The following XRN2 variants were observed in gnomAD, a reference collection of about 807,000 sequenced individuals.
XRN2 encodes DHM1-like protein.
XRN2 carries 44 observed loss-of-function variants against 138.5 expected under a neutral mutation model. The ratio of observed to expected loss-of-function variants is 0.32; its 90% CI spans 0.25 to 0.41. XRN2 has a LOEUF of 0.41. Ranked by LOEUF, XRN2 falls within the 10% of genes least tolerant of loss-of-function variation. The pLI, the probability that XRN2 is intolerant of heterozygous loss-of-function variation, is 1.00. For missense variants in XRN2, 937 were observed against 1,169.3 expected (o/e 0.80, Z 2.90); for synonymous variants, 354 against 369.4 (o/e 0.96, Z 0.48).
At chr20:21,342,153 C>T (rs1030343454) in intron 15 of XRN2, among the ~76,000 whole-genome samples, 4 of 152,058 alleles carry the variant, frequency 2.6e-5, no homozygotes, top group Non-Finnish European at 4.4e-5. Context: ...ATTTTGAAGT[C>T]AAATTACCAG....
At chr20:21,346,601 A>G (rs767021222) in intron 17 of XRN2, 51 bp downstream of exon 17, 92 of 1,577,472 alleles carry the variant, frequency 5.8e-5, no homozygotes, top group Non-Finnish European at 7.6e-5. Flanking sequence ...TTTAAGAAAA[A>G]TAGTAATTTC....
At chr20:21,388,754 A>G (rs2038960288) in intron 29 of XRN2, among the ~76,000 whole-genome samples, 1 of 152,252 alleles carries the variant, frequency 6.6e-6, no homozygotes, top group Admixed American at 6.5e-5. Context: ...GGTCACGGCT[A>G]ATGGATTGTG....
At chr20:21,361,725 TA>T (rs1169775034) in intron 24 of XRN2, among the ~76,000 whole-genome samples, 1 of 152,352 alleles carries the variant, frequency 6.6e-6, no homozygotes, top group South Asian at 2.1e-4. Context: ...TGGATCCATA[TA>T]AAAAGTTACC....
At chr20:21,356,726 C>T (rs2122281266) in intron 23 of XRN2, 61 bp downstream of exon 23, 1 of 1,388,558 alleles carries the variant, frequency 7.2e-7, no homozygotes, top group East Asian at 2.3e-5. Flanking sequence ...GGATTTTTTT[C>T]CTTGTTGTCT....
chr20:21,367,481 C>T (rs2038717064), intron 26 of XRN2, among the ~76,000 whole-genome samples: 1 of 151,378 alleles, frequency 6.6e-6, no homozygotes, highest in Admixed American at 6.6e-5. Context: ...TGATTAAGAG[C>T]ATGGGCTTTA....
chr20:21,356,280 C>A, intron 22 of XRN2, 103 bp downstream of exon 22: 2 of 873,104 alleles, frequency 2.3e-6, no homozygotes, highest in Non-Finnish European at 3.5e-6. Context: ...AGTGGTTATT[C>A]TGTGGCATTA....
chr20:21,383,999 T>C (rs2038912103), intron 28 of XRN2, among the ~76,000 whole-genome samples: 1 of 152,228 alleles, frequency 6.6e-6, no homozygotes, highest in Admixed American at 6.5e-5. Flanking sequence ...TCAGTATGTT[T>C]CCACGACGCT....
chr20:21,312,632 CAG>C (rs1245501229), intron 1 of XRN2, among the ~76,000 whole-genome samples: 6 of 129,534 alleles, frequency 4.6e-5, no homozygotes, highest in Non-Finnish European at 8.0e-5. Context: ...TTTTTGAAGA[CAG>C]AGTCTTGCTC....
intron 1 of XRN2, among the ~76,000 whole-genome samples, chr20:21,324,430 C>T (rs1251416267): frequency 6.6e-6 from 1 of 151,966 alleles, no homozygotes; most frequent in Non-Finnish European, 1.5e-5. Flanking sequence ...ATGTATTCGT[C>T]CCTGAGCAAT....
chr20:21,383,793 C>T (rs991333487), intron 28 of XRN2, among the ~76,000 whole-genome samples: 1 of 152,180 alleles, frequency 6.6e-6, no homozygotes, highest in Non-Finnish European at 1.5e-5. Flanking sequence ...ATTATTCTGA[C>T]TTTGTGAACC....
chr20:21,328,724 A>AG, intron 4 of XRN2, 54 bp downstream of exon 4: 1 of 1,530,408 alleles, frequency 6.5e-7, no homozygotes, highest in Non-Finnish European at 8.9e-7. Flanking sequence ...ATGCAGAATG[A>AG]GGGGGTGGTG....
chr20:21,355,983 A>G (rs1252672168), intron 21 of XRN2, 97 bp from the exon 22 acceptor site: 24 of 740,628 alleles, frequency 3.2e-5, no homozygotes, highest in Non-Finnish European at 4.9e-5. Context: ...TTAAGTTCTT[A>G]ACACTTAGAT....
chr20:21,303,722 C>T (rs1373275416), intron 1 of XRN2: 1 of 1,237,896 alleles, frequency 8.1e-7, no homozygotes, highest in Non-Finnish European at 1.0e-6. Flanking sequence ...GCAGGAGGGT[C>T]GCTCCTCCCC....
chr20:21,359,498 T>C (rs1471594324), intron 24 of XRN2, among the ~76,000 whole-genome samples: 4 of 151,350 alleles, frequency 2.6e-5, no homozygotes, highest in African/African-American at 9.7e-5. Context: ...ATCACACCAC[T>C]TGGGCAACAG....
intron 22 of XRN2, 123 bp downstream of exon 22, chr20:21,356,300 C>A (rs2122280039): frequency 1.3e-6 from 1 of 749,728 alleles, no homozygotes; most frequent in East Asian, 2.8e-5. Flanking sequence ...AAGTATATTT[C>A]CAGTGTTGTA....
intron 1 of XRN2, among the ~76,000 whole-genome samples, chr20:21,309,824 C>T (rs575790099): frequency 6.6e-6 from 1 of 152,140 alleles, no homozygotes; most frequent in African/African-American, 2.4e-5. Flanking sequence ...GATGTTACCT[C>T]TTTCATTCCT....
intron 15 of XRN2, among the ~76,000 whole-genome samples, chr20:21,341,448 G>A (rs2122235553): frequency 1.3e-5 from 2 of 152,304 alleles, no homozygotes; most frequent in South Asian, 4.1e-4. Context: ...GCAACTGCAT[G>A]CATTTATTTG....
Position 21,345,778 on chromosome 20 carries a change from T to C in XRN2, c.1530-637T>C, listed in dbSNP as rs539016840. Among the ~76,000 whole-genome samples the C allele has an allele frequency of 3.3e-5, 5 of 152,316 alleles. No homozygotes were observed. The East Asian group carries it at 7.7e-4, about 23-fold the overall frequency. On this transcript the variant is annotated intron_variant, in intron 16 of 29. Transcript: ENST00000377191. ...GTGTGTGTATGTATACATAGATATA[T>C]AGAGATATAGAATGTGTATGTCTCT...
chr20:21,360,563 C>T (rs1314647793), intron 24 of XRN2, among the ~76,000 whole-genome samples: 2 of 151,746 alleles, frequency 1.3e-5, no homozygotes, highest in African/African-American at 4.8e-5. Flanking sequence ...CTTTGAAGAG[C>T]GTAAACTTTT....
Sources: gnomAD v4.1 joint callset for allele counts (sites outside exome capture counted in the v4.1 genomes callset) on GRCh38, gnomAD v4.1.1 for gene constraint, MANE v1.5 for transcripts, NCBI Gene and HGNC (gene_info 2026-07-23, HGNC 2026-07-21) for gene names.